The following LPP variants were observed in gnomAD, a reference collection of about 807,000 sequenced individuals.
LPP encodes the protein LIM domain containing preferred translocation partner in lipoma, also known as lipoma-preferred partner.
In LPP, 38 loss-of-function variants were observed where a neutral mutation model predicts 60.4. The ratio of observed to expected loss-of-function variants is 0.63; its 90% confidence interval spans 0.49 to 0.83. The LOEUF (loss-of-function observed/expected upper bound fraction) is 0.83. Ranked by LOEUF, LPP falls within the 40% of genes least tolerant of loss-of-function variation. The probability of loss-of-function intolerance (pLI) is 0.00; values close to 1 mark genes in which losing one functional copy is unlikely to be tolerated. For missense variants in LPP, 902 were observed against 783.6 expected (o/e 1.15, Z -1.80); for synonymous variants, 328 against 290.8 (o/e 1.13, Z -1.30).
intron 2 of LPP, among the ~76,000 whole-genome samples, chr3:188,277,680 C>T (rs1386860523): frequency 1.3e-5 from 2 of 152,118 alleles, no homozygotes; most frequent in Non-Finnish European, 2.9e-5. Flanking sequence ...AACTGGTGGT[C>T]GAGGGTGCAT....
intron 8 of LPP, among the ~76,000 whole-genome samples, chr3:188,758,071 T>C (rs1371762316): frequency 2.6e-5 from 4 of 152,160 alleles, no homozygotes; most frequent in Non-Finnish European, 5.9e-5. Flanking sequence ...TTTCATCAAA[T>C]GTCAAGACTG....
At chr3:188,734,746 C>T (rs55658259) in intron 8 of LPP, among the ~76,000 whole-genome samples, 10,053 of 152,252 alleles carry the variant, frequency 0.066, 335 homozygotes, top group African/African-American at 0.078. Context: ...GGCAGGTGCA[C>T]GGATTAGATG....
At chr3:188,811,826 T>C (rs1040507277) in intron 9 of LPP, among the ~76,000 whole-genome samples, 3 of 152,144 alleles carry the variant, frequency 2.0e-5, no homozygotes, top group African/African-American at 7.2e-5. Flanking sequence ...TGTTGTTTTC[T>C]TTTTCTTTAA....
intron 6 of LPP, among the ~76,000 whole-genome samples, chr3:188,543,198 T>C (rs535968675): frequency 6.6e-6 from 1 of 152,240 alleles, no homozygotes; most frequent in African/African-American, 2.4e-5. Flanking sequence ...GGGATAGAGA[T>C]GTTGGTGGAT....
chr3:188,348,928 G>A (rs966560076), intron 3 of LPP, among the ~76,000 whole-genome samples: 1 of 152,184 alleles, frequency 6.6e-6, no homozygotes, highest in Non-Finnish European at 1.5e-5. Flanking sequence ...GGGAATAATG[G>A]AAGACTGGGT....
Position 188,511,863 on chromosome 3 carries a change from T to C in LPP, c.307-12802T>C, listed in dbSNP as rs75185557. Among the ~76,000 whole-genome samples, 1,392 of 152,330 alleles carry C rather than the reference T, an allele frequency of 9.1e-3. 18 individuals carry two copies. The highest frequency in any genetic ancestry group is 0.032 in the African/African-American group (1,313 of 41,590). Reference sequence around the variant, plus strand: ...CCTCTTGTTTTCCCAGTAGTGACTATGTCCCAGGCTGTGTGCAGTGGACTG... The same window carrying C: ...CCTCTTGTTTTCCCAGTAGTGACTACGTCCCAGGCTGTGTGCAGTGGACTG... On this transcript the variant is annotated intron_variant, in intron 5 of 11. Coordinates refer to ENST00000617246, the MANE Select transcript of LPP (RefSeq NM_001375462.1).
At chr3:188,376,705 A>C (rs1378136051) in intron 3 of LPP, among the ~76,000 whole-genome samples, 4 of 152,156 alleles carry the variant, frequency 2.6e-5, no homozygotes, top group Non-Finnish European at 5.9e-5. Flanking sequence ...GTCCATTTAC[A>C]TTTAAGTTTA....
In LPP at chr3:188,392,109, CT is replaced by C. The variant is rs1436881153; in HGVS notation, c.-9-14000del. Among the ~76,000 whole-genome samples the C allele has an allele frequency of 2.6e-5, 4 of 152,146 alleles. No homozygotes were observed. The East Asian group carries it at 7.7e-4, about 29-fold the overall frequency. ...TATTTCGGGCATGTCTTCCATAAGG[CT>C]TTGTGTGTAGTAGATATTAAGTTGG... On this transcript the variant is annotated intron_variant, in intron 3 of 11. Coordinates refer to ENST00000617246, the MANE Select transcript of LPP (RefSeq NM_001375462.1).
intron 4 of LPP, among the ~76,000 whole-genome samples, chr3:188,456,410 A>T (rs970358992): frequency 5.3e-5 from 8 of 152,196 alleles, no homozygotes; most frequent in African/African-American, 1.9e-4. Context: ...TGACTGTAAC[A>T]TAGAGAGCGA....
chr3:188,331,254 A>G (rs187829497), intron 2 of LPP, among the ~76,000 whole-genome samples: 6 of 152,016 alleles, frequency 3.9e-5, no homozygotes, highest in Non-Finnish European at 7.4e-5. Context: ...GCTTTTATGT[A>G]TCTCCCACTA....
chr3:188,457,728 T>TAAA lies in LPP; in HGVS notation c.194-26854_194-26852dup, dbSNP rs1233519681. 1.5e-3 allele frequency among the ~76,000 whole-genome samples: 157 copies of TAAA among 103,430 alleles called. 1 individual carries two copies. In the South Asian group the frequency reaches 0.03, roughly 20 times the overall value. The allele number at this position is 103,430 out of a possible 152,430, so 67.9% of individuals were successfully genotyped here. ...TAACATGATGAAACACTGTCTCTAC[T>TAAA]AAAAAAAAAAAATATATATATATAT... On this transcript the variant is annotated intron_variant, in intron 4 of 11. Transcript: ENST00000617246.
chr3:188,862,789 AAG>A (rs1322707780), intron 9 of LPP, among the ~76,000 whole-genome samples: 2 of 151,730 alleles, frequency 1.3e-5, no homozygotes, highest in Non-Finnish European at 2.9e-5. Flanking sequence ...GAGAGAAAGA[AAG>A]AAAGAAAAAG....
rs1429092577 is a variant in LPP, at chr3:188,864,693, A to G, written c.1411-1507A>G. Among the ~76,000 whole-genome samples, 3 of 152,250 alleles carry G rather than the reference A, an allele frequency of 2.0e-5. No homozygotes were observed. The East Asian group carries it at 5.8e-4, about 29-fold the overall frequency. On this transcript the variant is annotated intron_variant, in intron 9 of 11. Transcript: ENST00000617246. ...TAGGCATTAGCCAAGGCACAGAAGT[A>G]TGGGAGTTTCACATAGGTTTGAACA...
At chr3:188,394,737 A>G (rs1442315221) in intron 3 of LPP, among the ~76,000 whole-genome samples, 3 of 152,196 alleles carry the variant, frequency 2.0e-5, no homozygotes, top group African/African-American at 4.8e-5. Flanking sequence ...GATAATGTCC[A>G]TAGATGTGAT....
intron 9 of LPP, among the ~76,000 whole-genome samples, chr3:188,829,452 A>G (rs1252063502): frequency 6.6e-6 from 1 of 152,228 alleles, no homozygotes; most frequent in Admixed American, 6.5e-5. Flanking sequence ...TAAAACCTCT[A>G]TGCATGCCCC....
At chr3:188,311,636 CT>C (rs11341866) in intron 2 of LPP, among the ~76,000 whole-genome samples, 67,163 of 137,662 alleles carry the variant, frequency 0.49, 17,693 homozygotes, top group East Asian at 0.73. Context: ...TCCAACATTT[CT>C]TTTTTTTTTC....
chr3:188,694,528 C>A (rs1179000759), intron 7 of LPP, among the ~76,000 whole-genome samples: 1 of 151,574 alleles, frequency 6.6e-6, no homozygotes, highest in African/African-American at 2.4e-5. Context: ...CATGGAGAAA[C>A]CCCATCTCTA....
chr3:188,799,953 T>G (rs560378005), intron 9 of LPP, among the ~76,000 whole-genome samples: 1 of 152,210 alleles, frequency 6.6e-6, no homozygotes, highest in Non-Finnish European at 1.5e-5. Flanking sequence ...GAATTTGTTG[T>G]GTATTATAAA....
intron 6 of LPP, among the ~76,000 whole-genome samples, chr3:188,536,469 C>G (rs1298565402): frequency 6.6e-6 from 1 of 152,168 alleles, no homozygotes; most frequent in Non-Finnish European, 1.5e-5. Context: ...TAAAGCATGT[C>G]AAAACCAATT....
Sources: gnomAD v4.1 joint callset for allele counts (sites outside exome capture counted in the v4.1 genomes callset) on GRCh38, gnomAD v4.1.1 for gene constraint, MANE v1.5 for transcripts, NCBI Gene and HGNC (gene_info 2026-07-23, HGNC 2026-07-21) for gene names.